The following PTPRD variants were observed in gnomAD, a reference collection of about 807,000 sequenced individuals.
PTPRD encodes receptor-type tyrosine-protein phosphatase delta.
Under a neutral mutation model 214.5 loss-of-function variants are expected in PTPRD, and 34 were observed. The ratio of observed to expected loss-of-function variants is 0.16; its 90% CI spans 0.12 to 0.21. The LOEUF (loss-of-function observed/expected upper bound fraction) is 0.21, where lower values mean the gene tolerates loss of function less well. PTPRD is among the 10% of genes least tolerant of loss of function. The pLI is 1.00. For synonymous variants in PTPRD, 1,128 were observed against 845.7 expected, an observed-to-expected ratio of 1.33 and a Z score of -5.79; for missense variants, 2,545 against 2,398.7, an observed-to-expected ratio of 1.06 and a Z score of -1.27.
chr9:9,660,758 A>G (rs2096607513), intron 7 of PTPRD, among the ~76,000 whole-genome samples: 1 of 151,980 alleles, frequency 6.6e-6, no homozygotes, highest in Non-Finnish European at 1.5e-5. Context: ...CTTTGCCTTT[A>G]TTCCAACATA....
At chr9:10,400,355 TCAAGA>T (rs752528374) in intron 2 of PTPRD, among the ~76,000 whole-genome samples, 1 of 151,836 alleles carries the variant, frequency 6.6e-6, no homozygotes, top group East Asian at 1.9e-4. Context: ...TTTTCTCTAG[TCAAGA>T]CAAGTACTTT....
rs143138546 is a variant in PTPRD, at chr9:10,262,696, C to G, written c.-545+78267G>C. ...AATAAGTCACTTTACCTCTCTGGGACTTATTTTTCTTATTGGTAAAATTAG... is the reference window on the plus strand; with the variant it reads ...AATAAGTCACTTTACCTCTCTGGGAGTTATTTTTCTTATTGGTAAAATTAG... On this transcript the variant is annotated intron_variant, in intron 3 of 45. Coordinates refer to ENST00000381196, the MANE Select transcript of PTPRD (RefSeq NM_002839.4). 3.7e-3 allele frequency among the ~76,000 whole-genome samples: 562 copies of G among 152,264 alleles called. 4 individuals are homozygous for G. Among genetic ancestry groups the G allele is most frequent in the Non-Finnish European group, 6.6e-3 (448 of 68,014 alleles).
At chr9:8,570,327 TA>T (rs1158045262) in intron 14 of PTPRD, among the ~76,000 whole-genome samples, 2 of 152,182 alleles carry the variant, frequency 1.3e-5, no homozygotes, top group Non-Finnish European at 2.9e-5. Context: ...TGCTCAAAAC[TA>T]AATTGCAAAA....
intron 9 of PTPRD, among the ~76,000 whole-genome samples, chr9:9,382,496 C>A (rs1449081724): frequency 6.6e-6 from 1 of 151,860 alleles, no homozygotes; most frequent in African/African-American, 2.4e-5. Flanking sequence ...CACAAATAAC[C>A]CAAATAGAAA....
chr9:10,016,705 G>C (rs10958818), intron 4 of PTPRD, among the ~76,000 whole-genome samples: 110,803 of 150,468 alleles, frequency 0.74, 41,413 homozygotes, highest in Middle Eastern at 0.83. Flanking sequence ...TGTTCTGTCA[G>C]CCAGGCTGGA....
At chr9:9,326,710 A>G (rs1209542627) in intron 9 of PTPRD, among the ~76,000 whole-genome samples, 3 of 152,138 alleles carry the variant, frequency 2.0e-5, no homozygotes, top group African/African-American at 7.2e-5. Context: ...TAGAAAATAA[A>G]TGTCAGGGAT....
chr9:9,501,996 A>T (rs2096432035), intron 8 of PTPRD, among the ~76,000 whole-genome samples: 1 of 151,872 alleles, frequency 6.6e-6, no homozygotes, highest in African/African-American at 2.4e-5. Context: ...ATTGACATAC[A>T]CATAGTCTAC....
chr9:10,601,202 G>T (rs1481531249), intron 2 of PTPRD, among the ~76,000 whole-genome samples: 1 of 151,506 alleles, frequency 6.6e-6, no homozygotes, highest in Non-Finnish European at 1.5e-5. Context: ...AACGAATAGA[G>T]TAAGTAAGGT....
chr9:9,059,353 A>G (rs917150725), intron 10 of PTPRD, among the ~76,000 whole-genome samples: 1 of 152,214 alleles, frequency 6.6e-6, no homozygotes, highest in Non-Finnish European at 1.5e-5. Context: ...AAAAATTCTC[A>G]GGGCTCATGA....
chr9:9,813,325 A>G (rs2047736442), intron 5 of PTPRD, among the ~76,000 whole-genome samples: 1 of 152,046 alleles, frequency 6.6e-6, no homozygotes, highest in Non-Finnish European at 1.5e-5. Context: ...GATACTAGAA[A>G]GACAATTAAA....
intron 2 of PTPRD, among the ~76,000 whole-genome samples, chr9:10,450,230 T>C (rs973015552): frequency 2.0e-5 from 3 of 150,260 alleles, no homozygotes; most frequent in African/African-American, 4.9e-5. Context: ...CACCCAAGAA[T>C]GATCAATAAA....
intron 5 of PTPRD, among the ~76,000 whole-genome samples, chr9:9,915,959 G>A (rs537104091): frequency 6.6e-6 from 1 of 151,758 alleles, no homozygotes; most frequent in African/African-American, 2.4e-5. Context: ...AATTCTAAAA[G>A]CTGGAAAAGA....
chr9:8,685,037 G>A (rs982953942), intron 12 of PTPRD, among the ~76,000 whole-genome samples: 2 of 152,098 alleles, frequency 1.3e-5, no homozygotes, highest in African/African-American at 4.8e-5. Flanking sequence ...TCCGGGGCTG[G>A]ATGTCAAGAT....
rs908105706 is a variant in PTPRD, at chr9:8,315,274, T to C, written c.*2600A>G. The C allele has an allele frequency of 2.6e-5, 6 of 232,634 alleles. No homozygotes were observed. The East Asian group carries it at 3.6e-4, about 14-fold the overall frequency. 14.4% of individuals were successfully genotyped at this position (232,634 alleles called of 1,614,324 possible). On this transcript the variant is annotated 3_prime_UTR_variant, in exon 46 of 46. Coordinates refer to ENST00000381196, the MANE Select transcript of PTPRD (RefSeq NM_002839.4). ...GTCTCCGCCTCGTTCGTCTATGGTATGCATCCCATTCATTTTCTTCTTCTG... is the reference window on the plus strand; with the variant it reads ...GTCTCCGCCTCGTTCGTCTATGGTACGCATCCCATTCATTTTCTTCTTCTG...
At chr9:10,147,326 C>T (rs934794819) in intron 3 of PTPRD, among the ~76,000 whole-genome samples, 1 of 151,976 alleles carries the variant, frequency 6.6e-6, no homozygotes, top group Non-Finnish European at 1.5e-5. Context: ...TGGTTAGTTA[C>T]ATATGTATAC....
chr9:9,393,577 T>G (rs1038394375), intron 9 of PTPRD, among the ~76,000 whole-genome samples: 1 of 152,148 alleles, frequency 6.6e-6, no homozygotes, highest in Non-Finnish European at 1.5e-5. Context: ...ACTCTCAGCA[T>G]CATGAGGAAT....
chr9:10,328,351 C>G (rs138091581), intron 3 of PTPRD, among the ~76,000 whole-genome samples: 21 of 151,744 alleles, frequency 1.4e-4, no homozygotes, highest in African/African-American at 4.6e-4. Flanking sequence ...TGCATTTGCA[C>G]AGGAGACTGT....
At chr9:8,509,404 C>T (rs529032726) in intron 21 of PTPRD, among the ~76,000 whole-genome samples, 1 of 152,226 alleles carries the variant, frequency 6.6e-6, no homozygotes, top group South Asian at 2.1e-4. Flanking sequence ...CCTATGTATG[C>T]AGTCACTGAT....
chr9:8,661,185 G>T (rs753667373), intron 12 of PTPRD, among the ~76,000 whole-genome samples: 3 of 152,024 alleles, frequency 2.0e-5, no homozygotes, highest in Non-Finnish European at 4.4e-5. Flanking sequence ...TGGACATAAA[G>T]ATCTACCTGG....
Sources: gnomAD v4.1 joint callset for allele counts (sites outside exome capture counted in the v4.1 genomes callset) on GRCh38, gnomAD v4.1.1 for gene constraint, MANE v1.5 for transcripts, NCBI Gene and HGNC (gene_info 2026-07-23, HGNC 2026-07-21) for gene names.